Variants in FBXL18 observed in about 807,000 individuals in gnomAD.
The protein encoded by FBXL18 is F-box and leucine rich repeat protein 18.
FBXL18 carries 36 observed loss-of-function variants against 46.0 expected under a neutral mutation model. The observed-to-expected ratio is 0.78, with a 90% CI of 0.60 to 1.03. The LOEUF (loss-of-function observed/expected upper bound fraction) is 1.03. Ranked by LOEUF, FBXL18 falls within the 50% of genes least tolerant of loss-of-function variation. The pLI is 0.00. For synonymous variants in FBXL18, 557 were observed against 465.3 expected (o/e 1.20, Z -2.54); for missense variants, 977 against 1,004.1 (o/e 0.97, Z 0.36).
rs771919767 is a variant in FBXL18 at position 5,502,046 on chromosome 7, C to T, written c.238-15G>A. 1.3e-6 allele frequency: 2 copies of T among 1,550,708 alleles called. No individual in the cohort carries two copies. Among genetic ancestry groups the T allele is most frequent in the Admixed American group, 3.8e-5 (2 of 53,322 alleles). ...TCCTCGCTCGCCTGCGGGACAGAGG[C>T]AGGGTGGGGAGAGGAAGGAAAGGGC... is the stretch of plus-strand genomic sequence containing the variant. On this transcript the variant is annotated splice_polypyrimidine_tract_variant and intron_variant, in intron 2 of 4. Transcript: ENST00000382368.
At position 5,480,542 on chromosome 7, in the gene FBXL18, ATATATATTT is replaced by A; in HGVS notation, c.*1224_*1232del. The A allele has an allele frequency of 2.2e-5, 1 of 45,114 alleles. No individual in the cohort carries two copies. Among genetic ancestry groups the A allele is most frequent in the East Asian group, 4.3e-4 (1 of 2,314 alleles). The allele number at this position is 45,114 out of a possible 1,614,324, so 2.8% of individuals were successfully genotyped here. A position where few individuals can be genotyped will look rare whatever the true frequency, so the allele number is the denominator to read the frequency against. On this transcript the variant is annotated 3_prime_UTR_variant, in exon 5 of 5. Transcript: ENST00000382368. ...AAGTGTGTTGAATATATATATATAT[ATATATATTT>A]TTTTTTTTTTTTTTTTTTTTTTTTT...
intron 1 of FBXL18, among the ~76,000 whole-genome samples, chr7:5,509,476 C>T (rs557998586): frequency 1.3e-5 from 2 of 151,892 alleles, no homozygotes; most frequent in South Asian, 2.1e-4. Flanking sequence ...GGGTGGATCA[C>T]GAGGTCAGGA....
intron 4 of FBXL18, among the ~76,000 whole-genome samples, chr7:5,486,062 A>AAAATAAATAAATAAATAAAT (rs36047680): frequency 7.2e-6 from 1 of 139,656 alleles, no homozygotes; most frequent in African/African-American, 2.7e-5. Flanking sequence ...CTGTCTCAAA[A>AAAATAAATAAATAAATAAAT]AAATAAATAA....
chr7:5,479,364 G>A lies in FBXL18; in HGVS notation c.*2411C>T, dbSNP rs1282021180. 1.3e-5 allele frequency: 2 copies of A among 152,326 alleles called. No homozygotes were observed. The highest frequency in any genetic ancestry group is 1.9e-4 in the East Asian group (1 of 5,190). 9.4% of individuals were successfully genotyped at this position (152,326 alleles called of 1,614,324 possible). Reference sequence around the variant, plus strand: ...CGAGTGGGGAATGTTCTGGAGGAAGGAGTGGGGCGGAGCTGCGGTGCCCAG... The same window carrying A: ...CGAGTGGGGAATGTTCTGGAGGAAGAAGTGGGGCGGAGCTGCGGTGCCCAG... On this transcript the variant is annotated 3_prime_UTR_variant, in exon 5 of 5. Transcript: ENST00000382368.
At chr7:5,457,983 G>T (rs1055118264) in intron 4 of FBXL18, among the ~76,000 whole-genome samples, 2 of 151,124 alleles carry the variant, frequency 1.3e-5, no homozygotes, top group Non-Finnish European at 2.9e-5. Context: ...CTGCCCACAA[G>T]TTAAAAAATA....
chr7:5,486,703 G>A (rs1040086865), intron 4 of FBXL18, among the ~76,000 whole-genome samples: 1 of 152,198 alleles, frequency 6.6e-6, no homozygotes, highest in East Asian at 1.9e-4. Context: ...ATACCCAGTC[G>A]TGTGTGAAGG....
At chr7:5,502,178 T>G in intron 2 of FBXL18, 147 bp from the exon 3 acceptor site, 1 of 611,116 alleles carries the variant, frequency 1.6e-6, no homozygotes, top group Non-Finnish European at 2.9e-6. Context: ...CTGCCCGCAC[T>G]CTGACCTGGA....
rs570030929 is a variant in FBXL18 at position 5,503,510 on chromosome 7, T to C, written c.238-1479A>G. ...CTGGAACTACAGACATGTGCCACCA[T>C]GCCATGCTCATTTTTCTCTTTTTTT... is the stretch of plus-strand genomic sequence containing the variant. On this transcript the variant is annotated intron_variant, in intron 2 of 4. Coordinates refer to ENST00000382368, the MANE Select transcript of FBXL18 (RefSeq NM_024963.6). 3.2e-3 allele frequency among the ~76,000 whole-genome samples: 435 copies of C among 135,422 alleles called. 1 individual carries two copies. The highest frequency in any genetic ancestry group is 9.0e-3 in the South Asian group (35 of 3,904). 88.8% of individuals were successfully genotyped at this position (135,422 alleles called of 152,430 possible). A position where few individuals can be genotyped will look rare whatever the true frequency, so the allele number is the denominator to read the frequency against.
rs1562671809 is a variant in FBXL18 at position 5,462,972 on chromosome 7, ATATATATAT to A, written c.2001-15138_2001-15130del. On this transcript the variant is annotated intron_variant and NMD_transcript_variant, in intron 4 of 6. Coordinates refer to the FBXL18 transcript ENST00000415009. ...TCTCAAAAAAAAAAAAAAAAAAAAT[ATATATATAT>A]ATATATATATATATAATATATATAC... Among the ~76,000 whole-genome samples the A allele has an allele frequency of 2.8e-3, 43 of 15,596 alleles. 2 individuals carry two copies. The highest frequency in any genetic ancestry group is 6.0e-3 in the African/African-American group (38 of 6,376). 10.2% of individuals were successfully genotyped at this position (15,596 alleles called of 152,430 possible).
At chr7:5,507,866 T>G (rs1399075909) in intron 1 of FBXL18, among the ~76,000 whole-genome samples, 2 of 151,210 alleles carry the variant, frequency 1.3e-5, no homozygotes, top group Non-Finnish European at 2.9e-5. Context: ...CTGGGCACAG[T>G]GGCTCACACC....
At chr7:5,489,188 A>T in intron 4 of FBXL18, 2 of 509,236 alleles carry the variant, frequency 3.9e-6, no homozygotes, top group South Asian at 2.9e-5. Context: ...GAGAATAATC[A>T]CTTAGGGCTT....
intron 3 of FBXL18, among the ~76,000 whole-genome samples, 170 bp downstream of exon 3, chr7:5,500,318 T>C (rs1784200054): frequency 6.6e-6 from 1 of 151,870 alleles, no homozygotes; most frequent in Non-Finnish European, 1.5e-5. Flanking sequence ...CCCCAGCTCC[T>C]CTAGATGCCG....
chr7:5,489,429 G>C (rs1027475315), intron 4 of FBXL18: 9 of 452,300 alleles, frequency 2.0e-5, no homozygotes, highest in African/African-American at 1.8e-4. Context: ...GAGGTCAGGA[G>C]TTAGAGACCA....
chr7:5,463,728 A>ATTTATTTATTTTTTTTTTTTTTTT (rs1562672288), intron 4 of FBXL18, among the ~76,000 whole-genome samples: 5 of 53,028 alleles, frequency 9.4e-5, no homozygotes, highest in Non-Finnish European at 1.0e-4. Context: ...TTATTTATTT[A>ATTTATTTATTTTTTTTTTTTTTTT]TTTTTTTTTT....
rs1783921191 is a variant in FBXL18, at chr7:5,491,372, C to G, written c.1859G>C (p.Cys620Ser). Residue 620 changes from cysteine to serine, a missense_variant, in exon 4 of 5, where the codon TGC becomes TCC. Coordinates refer to ENST00000382368, the MANE Select transcript of FBXL18 (RefSeq NM_024963.6). The stretch of plus-strand genomic sequence containing the variant: ...GAGGGTGCCGCTGCGAGAGACCAGG[C>G]ACAGGCGCTGCAGCGAGGGGCACTG... Reference protein sequence around the residue: ...LSQCPSLQRLCLVSRSGTLQP... With the variant: ...LSQCPSLQRLSLVSRSGTLQP... 6.2e-7 allele frequency: 1 copy of G among 1,609,436 alleles called. No individual in the cohort carries two copies. The highest frequency in any genetic ancestry group is 1.3e-5 in the African/African-American group (1 of 74,922).
chr7:5,469,326 C>A (rs751637113), intron 4 of FBXL18, among the ~76,000 whole-genome samples: 2 of 152,182 alleles, frequency 1.3e-5, no homozygotes, highest in South Asian at 2.1e-4. Context: ...GCAGAAGAAT[C>A]GCTTGAACTC....
chr7:5,463,728 A>ATTTATTTTTTTTTTTTTTT (rs1562672288), intron 4 of FBXL18, among the ~76,000 whole-genome samples: 1 of 53,034 alleles, frequency 1.9e-5, no homozygotes. Context: ...TTATTTATTT[A>ATTTATTTTTTTTTTTTTTT]TTTTTTTTTT....
chr7:5,506,453 C>G (rs1043651785), intron 1 of FBXL18, among the ~76,000 whole-genome samples: 1 of 151,448 alleles, frequency 6.6e-6, no homozygotes, highest in Non-Finnish European at 1.5e-5. Context: ...CGGGGTTTCA[C>G]CATGTTGGCC....
Position 5,483,651 on chromosome 7 carries a change from G to T in FBXL18, c.2001-1720C>A, listed in dbSNP as rs1227630540. Among the ~76,000 whole-genome samples, 3 of 151,808 alleles carry T rather than the reference G, an allele frequency of 2.0e-5. No individual in the cohort carries two copies. In the East Asian group the frequency reaches 5.8e-4, roughly 29 times the overall value. ...CCCAGCTACTTGGAAGGCTGAGGCA[G>T]GAGAATCACTTGAACCTGGGAGGCG... On this transcript the variant is annotated intron_variant, in intron 4 of 4. Coordinates refer to ENST00000382368, the MANE Select transcript of FBXL18 (RefSeq NM_024963.6).
Sources: allele counts gnomAD v4.1 joint callset (sites outside exome capture counted in the v4.1 genomes callset), GRCh38; gene constraint gnomAD v4.1.1; transcripts MANE v1.5; gene names NCBI Gene and HGNC (gene_info 2026-07-23, HGNC 2026-07-21).